Variants in FGF1 observed in about 807,000 individuals in gnomAD.
The protein encoded by FGF1 is beta-endothelial cell growth factor.
A neutral mutation model predicts 13.4 loss-of-function variants in FGF1; 9 were observed. The observed-to-expected ratio is 0.67, with a 90% CI of 0.40 to 1.17. The LOEUF (loss-of-function observed/expected upper bound fraction) is 1.17, where lower values mean the gene tolerates loss of function less well. Among genes scored for constraint, FGF1 ranks in the 50% most tolerant of loss-of-function variants. The pLI is 0.01. For synonymous variants in FGF1, 93 were observed against 79.0 expected (o/e 1.18, Z -0.94); for missense variants, 156 against 192.7 (o/e 0.81, Z 1.13).
At chr5:142,679,988 A>C (rs1449269179) in intron 1 of FGF1, 1 of 152,212 alleles carries the variant, frequency 6.6e-6, no homozygotes, top group Non-Finnish European at 1.5e-5. Context: ...GAGGCTATGA[A>C]AGAAGGACTT....
At chr5:142,658,166 A>G (rs1768513571) in intron 1 of FGF1, among the ~76,000 whole-genome samples, 1 of 152,200 alleles carries the variant, frequency 6.6e-6, no homozygotes, top group African/African-American at 2.4e-5. Flanking sequence ...AATATGCCCT[A>G]GTCATATTCC....
chr5:142,672,280 G>A (rs1168194278), intron 1 of FGF1, among the ~76,000 whole-genome samples: 1 of 151,928 alleles, frequency 6.6e-6, no homozygotes, highest in Non-Finnish European at 1.5e-5. Flanking sequence ...CCTATAATGA[G>A]ATCTATTACT....
chr5:142,601,535 A>ACT (rs1453859947), intron 2 of FGF1, among the ~76,000 whole-genome samples: 318 of 152,140 alleles, frequency 2.1e-3, no homozygotes, highest in African/African-American at 7.3e-3. Flanking sequence ...AGTGATGAGA[A>ACT]CAGTGGTTCT....
chr5:142,620,995 T>C (rs1249694022), intron 1 of FGF1, among the ~76,000 whole-genome samples: 1 of 152,224 alleles, frequency 6.6e-6, no homozygotes, highest in Non-Finnish European at 1.5e-5. Context: ...TTCTCCAGCC[T>C]CACTTCTGTT....
At chr5:142,681,150 G>A (rs1773625352) in intron 1 of FGF1, among the ~76,000 whole-genome samples, 1 of 152,230 alleles carries the variant, frequency 6.6e-6, no homozygotes, top group Non-Finnish European at 1.5e-5. Context: ...GACAAGGTCA[G>A]GAGACGGTCT....
At chr5:142,648,104 C>A (rs1210909262) in intron 1 of FGF1, among the ~76,000 whole-genome samples, 1 of 152,078 alleles carries the variant, frequency 6.6e-6, no homozygotes. Flanking sequence ...ACAACAACAA[C>A]AAAACTTGGA....
intron 2 of FGF1, among the ~76,000 whole-genome samples, chr5:142,696,687 A>C (rs1007925256): frequency 1.3e-5 from 2 of 152,208 alleles, no homozygotes; most frequent in African/African-American, 4.8e-5. Context: ...CCTGGATCTC[A>C]TGATACCAAA....
upstream of FGF1, among the ~76,000 whole-genome samples, chr5:142,690,340 G>A (rs559267971): frequency 7.1e-4 from 108 of 151,678 alleles, no homozygotes; most frequent in South Asian, 1.9e-3. Context: ...CTCCGTCTGG[G>A]GAAAAAATAA....
chr5:142,617,503 C>T (rs1203812056), intron 1 of FGF1, among the ~76,000 whole-genome samples: 1 of 152,160 alleles, frequency 6.6e-6, no homozygotes, highest in East Asian at 1.9e-4. Context: ...GGGCCCCTCC[C>T]TCCTGACCAC....
intron 2 of FGF1, among the ~76,000 whole-genome samples, chr5:142,612,945 T>A (rs1444451713): frequency 6.6e-6 from 1 of 151,944 alleles, no homozygotes; most frequent in African/African-American, 2.4e-5. Context: ...ACCTGATGTA[T>A]AAACCATCAT....
At position 142,600,340 on chromosome 5, in the gene FGF1, C is replaced by T. The variant is rs141254846; in HGVS notation, c.273+362G>A. ...TTGTGCCACTGCACTCCAGCCTGGG[C>T]GACAGAGCCAGACCCTGTCTCAAAG... On this transcript the variant is annotated intron_variant, in intron 3 of 3. Transcript: ENST00000337706. Among the ~76,000 whole-genome samples, 300 of 151,812 alleles carry T rather than the reference C, an allele frequency of 2.0e-3. 2 individuals carry two copies. The highest frequency in any genetic ancestry group is 6.0e-3 in the African/African-American group (249 of 41,350).
intron 1 of FGF1, among the ~76,000 whole-genome samples, chr5:142,676,774 T>A (rs111991744): frequency 6.6e-6 from 1 of 152,220 alleles, no homozygotes; most frequent in African/African-American, 2.4e-5. Context: ...CCTGGGAGAA[T>A]GGCAGTGAGC....
At chr5:142,685,648 A>G (rs1305850811) in intron 1 of FGF1, 1 of 152,200 alleles carries the variant, frequency 6.6e-6, no homozygotes, top group African/African-American at 2.4e-5. Flanking sequence ...ATGTGGCGGC[A>G]TGGTGCATTC....
chr5:142,645,385 T>C (rs1765854001), intron 1 of FGF1, among the ~76,000 whole-genome samples: 1 of 151,986 alleles, frequency 6.6e-6, no homozygotes, highest in South Asian at 2.1e-4. Context: ...ACAGCAGGCG[T>C]GGTGGGAAGA....
At chr5:142,641,161 C>T (rs1342578893) in intron 1 of FGF1, among the ~76,000 whole-genome samples, 1 of 151,950 alleles carries the variant, frequency 6.6e-6, no homozygotes, top group Non-Finnish European at 1.5e-5. Flanking sequence ...GCCAGGATAA[C>T]AAAAGAAGTT....
intron 1 of FGF1, among the ~76,000 whole-genome samples, chr5:142,628,643 C>T (rs976252414): frequency 4.6e-5 from 7 of 152,230 alleles, no homozygotes; most frequent in African/African-American, 1.7e-4. Flanking sequence ...CCTTCAACTC[C>T]TCATGGTTTT....
intron 1 of FGF1, among the ~76,000 whole-genome samples, chr5:142,669,069 G>A (rs751084557): frequency 1.3e-5 from 2 of 152,252 alleles, no homozygotes; most frequent in Admixed American, 6.5e-5. Context: ...GGCTGATGCC[G>A]CTGAGCGGGG....
upstream of FGF1, among the ~76,000 whole-genome samples, chr5:142,687,216 C>G (rs1751396837): frequency 6.6e-6 from 1 of 152,118 alleles, no homozygotes. Context: ...CCTGTCAGAA[C>G]TAGAAATATG....
intron 2 of FGF1, among the ~76,000 whole-genome samples, chr5:142,695,425 T>C (rs1485846555): frequency 2.6e-5 from 4 of 151,800 alleles, no homozygotes; most frequent in Non-Finnish European, 5.9e-5. Flanking sequence ...CTACTAAAAA[T>C]ACAAAAATTA....
Sources: gnomAD v4.1 joint callset for allele counts (sites outside exome capture counted in the v4.1 genomes callset) on GRCh38, gnomAD v4.1.1 for gene constraint, MANE v1.5 for transcripts, NCBI Gene and HGNC (gene_info 2026-07-23, HGNC 2026-07-21) for gene names.